GUCY1A2: variants seen among roughly 807,000 people sequenced by gnomAD.
The protein encoded by GUCY1A2 is guanylate cyclase 1 soluble subunit alpha 2.
Under a neutral mutation model 63.5 loss-of-function variants are expected in GUCY1A2, and 27 were observed. The ratio of observed to expected loss-of-function variants is 0.43; its 90% confidence interval spans 0.31 to 0.59. The LOEUF is 0.59. Ranked by LOEUF, GUCY1A2 falls within the 20% of genes least tolerant of loss-of-function variation. GUCY1A2 has a pLI of 0.11. For missense variants in GUCY1A2, 768 were observed against 913.3 expected (o/e 0.84, Z 2.05); for synonymous variants, 364 against 343.5 (o/e 1.06, Z -0.66).
intron 4 of GUCY1A2, among the ~76,000 whole-genome samples, chr11:106,870,658 T>C (rs1440675717): frequency 6.6e-6 from 1 of 152,066 alleles, no homozygotes; most frequent in East Asian, 1.9e-4. Flanking sequence ...ATCCAAGATC[T>C]CTCAATAAAC....
chr11:106,973,491 T>C (rs2120102722), intron 3 of GUCY1A2, among the ~76,000 whole-genome samples: 1 of 152,220 alleles, frequency 6.6e-6, no homozygotes, highest in East Asian at 1.9e-4. Context: ...GAAGTTTGTC[T>C]CATACAAGCA....
At position 106,986,093 on chromosome 11, in the gene GUCY1A2, C is replaced by T. The variant is rs563972800; in HGVS notation, c.342G>A (p.Gln114=). ...ACCCAATAACTTGATGTTCATAATACTGCAGTGTCCTCTTGAGAGTCTGCT... is the reference window on the plus strand; with the variant it reads ...ACCCAATAACTTGATGTTCATAATATTGCAGTGTCCTCTTGAGAGTCTGCT... ...TIQQTLKRTL[Q]YYEHQVIGYR... Residue 114 remains glutamine, a synonymous_variant, in exon 2 of 8, where the codon CAG becomes CAA. Transcript: ENST00000526355. 1.2e-5 allele frequency: 18 copies of T among 1,498,474 alleles called. No individual in the cohort carries two copies. The South Asian group carries it at 2.0e-4, about 17-fold the overall frequency. 92.8% of individuals were successfully genotyped at this position (1,498,474 alleles called of 1,614,324 possible).
At chr11:106,911,536 A>G (rs1246278333) in intron 4 of GUCY1A2, among the ~76,000 whole-genome samples, 1 of 152,154 alleles carries the variant, frequency 6.6e-6, no homozygotes, top group African/African-American at 2.4e-5. Context: ...GGTAATCCTT[A>G]AATTCGACAA....
intron 6 of GUCY1A2, among the ~76,000 whole-genome samples, chr11:106,740,231 C>T (rs1198166861): frequency 6.6e-6 from 1 of 151,930 alleles, no homozygotes; most frequent in East Asian, 1.9e-4. Context: ...AACTCCTCAC[C>T]TCAGGTGACC....
chr11:106,760,154 C>T (rs888325215), intron 6 of GUCY1A2, among the ~76,000 whole-genome samples: 1 of 152,100 alleles, frequency 6.6e-6, no homozygotes, highest in Non-Finnish European at 1.5e-5. Flanking sequence ...AACAGTGAGA[C>T]AACAAATTTC....
chr11:106,867,021 C>T lies in GUCY1A2; in HGVS notation c.1207-56543G>A, dbSNP rs189831667. ...TATTAACCAAACTTTCTTTAGAATA[C>T]TATCTATGCATTTCAACAAATAATA... On this transcript the variant is annotated intron_variant, in intron 4 of 7. Transcript: ENST00000526355. Among the ~76,000 whole-genome samples, 183 of 152,074 alleles carry T rather than the reference C, an allele frequency of 1.2e-3. 1 individual carries two copies. The highest frequency in any genetic ancestry group is 9.7e-4 in the Non-Finnish European group (66 of 67,952).
At chr11:106,719,824 G>A (rs936759016) in intron 6 of GUCY1A2, among the ~76,000 whole-genome samples, 1 of 152,134 alleles carries the variant, frequency 6.6e-6, no homozygotes, top group African/African-American at 2.4e-5. Flanking sequence ...TGAAATCTAT[G>A]AGTGTACAAA....
At chr11:106,827,797 G>T in intron 4 of GUCY1A2, 1 of 1,572,912 alleles carries the variant, frequency 6.4e-7, no homozygotes, top group Non-Finnish European at 8.7e-7. Flanking sequence ...GATGGAAAGT[G>T]AGTAGCCAAC....
intron 1 of GUCY1A2, among the ~76,000 whole-genome samples, chr11:107,013,155 T>A (rs1861771879): frequency 6.6e-6 from 1 of 152,192 alleles, no homozygotes; most frequent in Admixed American, 6.5e-5. Context: ...ACTCCACAGG[T>A]CAGTAGCTCT....
intron 6 of GUCY1A2, among the ~76,000 whole-genome samples, chr11:106,739,091 C>T (rs531735098): frequency 2.9e-4 from 44 of 152,104 alleles, no homozygotes; most frequent in African/African-American, 8.4e-4. Flanking sequence ...GTAGTTCTCC[C>T]TGAAAAGGTC....
intron 1 of GUCY1A2, among the ~76,000 whole-genome samples, chr11:107,010,950 G>C (rs1456999957): frequency 2.0e-5 from 3 of 151,890 alleles, no homozygotes; most frequent in Admixed American, 1.3e-4. Flanking sequence ...GGCTCGTCTT[G>C]AACTCCTGAC....
intron 4 of GUCY1A2, chr11:106,936,717 A>ATT (rs11331245): frequency 6.1e-5 from 77 of 1,272,230 alleles, no homozygotes; most frequent in Middle Eastern, 1.9e-4. Context: ...CTTGCTCTTG[A>ATT]TTTTTTTTTT....
intron 5 of GUCY1A2, among the ~76,000 whole-genome samples, chr11:106,791,563 T>C (rs1864660987): frequency 6.6e-6 from 1 of 152,188 alleles, no homozygotes; most frequent in African/African-American, 2.4e-5. Flanking sequence ...ACTTCTGTTC[T>C]TCCATCTTGA....
intron 4 of GUCY1A2, among the ~76,000 whole-genome samples, chr11:106,902,765 G>C (rs1860151720): frequency 6.6e-6 from 1 of 152,048 alleles, no homozygotes; most frequent in Non-Finnish European, 1.5e-5. Context: ...CCTTGTCATT[G>C]TTCCCTAACA....
intron 4 of GUCY1A2, among the ~76,000 whole-genome samples, chr11:106,839,371 G>A (rs1168579393): frequency 1.3e-5 from 2 of 151,934 alleles, no homozygotes; most frequent in African/African-American, 2.4e-5. Flanking sequence ...AGGTGCTGGA[G>A]GGGACGTGGA....
intron 4 of GUCY1A2, among the ~76,000 whole-genome samples, chr11:106,896,610 TAGCATCCTTATAA>T (rs1299908124): frequency 6.6e-6 from 1 of 152,210 alleles, no homozygotes; most frequent in Non-Finnish European, 1.5e-5. Context: ...TGAATGGGAT[TAGCATCCTTATAA>T]AAGGGCTCAA....
At chr11:106,787,011 T>C (rs1472605310) in intron 5 of GUCY1A2, among the ~76,000 whole-genome samples, 1 of 152,226 alleles carries the variant, frequency 6.6e-6, no homozygotes, top group Non-Finnish European at 1.5e-5. Context: ...TAAGTAATGT[T>C]AATTGATGTC....
chr11:106,832,822 A>G (rs1469423397), intron 4 of GUCY1A2, among the ~76,000 whole-genome samples: 2 of 152,156 alleles, frequency 1.3e-5, no homozygotes, highest in Non-Finnish European at 2.9e-5. Flanking sequence ...TAAACATTAT[A>G]TATTTGTTAA....
intron 6 of GUCY1A2, among the ~76,000 whole-genome samples, chr11:106,749,189 G>A (rs559135618): frequency 4.6e-5 from 7 of 152,166 alleles, no homozygotes; most frequent in Non-Finnish European, 1.0e-4. Context: ...GCAGCAGGCT[G>A]TACCATCTAG....
Sources: allele counts gnomAD v4.1 joint callset (sites outside exome capture counted in the v4.1 genomes callset), GRCh38; gene constraint gnomAD v4.1.1; transcripts MANE v1.5; gene names NCBI Gene and HGNC (gene_info 2026-07-23, HGNC 2026-07-21).